Variants in CCDC149 observed in about 807,000 individuals in gnomAD.
CCDC149 encodes coiled-coil domain containing 149.
In CCDC149, 45 loss-of-function variants were observed where a neutral mutation model predicts 59.9. The ratio of observed to expected loss-of-function variants is 0.75; its 90% CI spans 0.59 to 0.96. The LOEUF is 0.96. Ranked by LOEUF, CCDC149 falls within the 40% of genes least tolerant of loss-of-function variation. The pLI, the probability that CCDC149 is intolerant of heterozygous loss-of-function variation, is 0.00. For missense variants in CCDC149, 584 were observed against 664.7 expected (o/e 0.88, Z 1.33); for synonymous variants, 245 against 260.6 (o/e 0.94, Z 0.58).
chr4:24,908,578 T>A (rs1268987544), intron 1 of CCDC149, among the ~76,000 whole-genome samples: 1 of 150,134 alleles, frequency 6.7e-6, no homozygotes, highest in East Asian at 1.9e-4. Flanking sequence ...CACGTGCCTG[T>A]AACTCCAGCT....
At chr4:24,931,247 T>C (rs1360970261) in intron 1 of CCDC149, among the ~76,000 whole-genome samples, 4 of 148,184 alleles carry the variant, frequency 2.7e-5, no homozygotes, top group Non-Finnish European at 5.9e-5. Flanking sequence ...TTGTATATAT[T>C]GTATAATATG....
chr4:24,879,550 T>C (rs996080518), intron 1 of CCDC149, among the ~76,000 whole-genome samples: 2 of 147,770 alleles, frequency 1.4e-5, no homozygotes, highest in African/African-American at 5.0e-5. Context: ...CTGGGCATGG[T>C]GGCAGGCGCC....
At chr4:24,961,679 T>C (rs2109361477) in intron 1 of CCDC149, among the ~76,000 whole-genome samples, 1 of 152,328 alleles carries the variant, frequency 6.6e-6, no homozygotes, top group South Asian at 2.1e-4. Context: ...ATCTGATCTT[T>C]GACAAACCTG....
At chr4:24,825,318 A>C (rs181271576) in intron 9 of CCDC149, among the ~76,000 whole-genome samples, 1 of 152,316 alleles carries the variant, frequency 6.6e-6, no homozygotes, top group East Asian at 1.9e-4. Flanking sequence ...CACTTGCTCT[A>C]TACTAGGCAT....
At chr4:24,870,612 G>C (rs963569627) in intron 3 of CCDC149, among the ~76,000 whole-genome samples, 2 of 152,162 alleles carry the variant, frequency 1.3e-5, no homozygotes, top group Non-Finnish European at 2.9e-5. Context: ...CTGTAAGAAT[G>C]CAGCTTAACA....
At chr4:24,864,641 ACT>A (rs1376129143) in intron 3 of CCDC149, among the ~76,000 whole-genome samples, 1 of 152,146 alleles carries the variant, frequency 6.6e-6, no homozygotes, top group Non-Finnish European at 1.5e-5. Context: ...CGTGAATTAA[ACT>A]CTTTCTCTAT....
At chr4:24,865,738 C>T (rs987253730) in intron 3 of CCDC149, among the ~76,000 whole-genome samples, 1 of 152,182 alleles carries the variant, frequency 6.6e-6, no homozygotes, top group African/African-American at 2.4e-5. Flanking sequence ...TCTGCATCTG[C>T]CACTTAGTGA....
At chr4:24,878,624 C>T (rs16876304) in intron 1 of CCDC149, among the ~76,000 whole-genome samples, 27,405 of 152,200 alleles carry the variant, frequency 0.18, 2,595 homozygotes, top group Admixed American at 0.26. Flanking sequence ...GTTGTCAGCA[C>T]TGTGAGTATC....
chr4:24,924,200 C>T (rs1013684862), intron 1 of CCDC149, among the ~76,000 whole-genome samples: 2 of 150,740 alleles, frequency 1.3e-5, no homozygotes, highest in Non-Finnish European at 2.9e-5. Flanking sequence ...CCCAAAAGAT[C>T]TTAAGCCATA....
At chr4:24,914,397 A>AG (rs1722059311), upstream of CCDC149, among the ~76,000 whole-genome samples, 1 of 151,892 alleles carries the variant, frequency 6.6e-6, no homozygotes, top group South Asian at 2.1e-4. Context: ...AAAAAAAAAA[A>AG]AAAAAAAGAA....
At chr4:24,848,794 A>T (rs756905939) in intron 4 of CCDC149, among the ~76,000 whole-genome samples, 4 of 152,218 alleles carry the variant, frequency 2.6e-5, no homozygotes, top group Non-Finnish European at 5.9e-5. Flanking sequence ...AGGAAAGAGA[A>T]ATCTGTGCTA....
chr4:24,874,452 G>A (rs1719282690), intron 2 of CCDC149, among the ~76,000 whole-genome samples: 1 of 151,658 alleles, frequency 6.6e-6, no homozygotes, highest in African/African-American at 2.4e-5. Flanking sequence ...TGTGGCGGCG[G>A]GTGCCTGTAA....
chr4:24,930,947 C>T (rs1255024601), intron 1 of CCDC149, among the ~76,000 whole-genome samples: 1 of 152,120 alleles, frequency 6.6e-6, no homozygotes, highest in Admixed American at 6.5e-5. Flanking sequence ...GGCTCTTGCT[C>T]TTCAAAGGAT....
rs1220580058 is a variant in CCDC149, at chr4:24,952,634, T to A, written c.-65+27435A>T. On this transcript the variant is annotated intron_variant, in intron 1 of 12. Coordinates refer to the CCDC149 transcript ENST00000389609. ...AAAAAAAAAAAAAAAAAAATATATA[T>A]ATATATATATATATATATATATATA... Among the ~76,000 whole-genome samples the A allele has an allele frequency of 1.1e-3, 15 of 13,724 alleles. 2 individuals are homozygous for A. The highest frequency in any genetic ancestry group is 1.4e-3 in the African/African-American group (6 of 4,340). The allele number at this position is 13,724 out of a possible 152,430, so 9.0% of individuals were successfully genotyped here.
At chr4:24,820,765 G>A (rs1249586289) in intron 11 of CCDC149, among the ~76,000 whole-genome samples, 3 of 151,994 alleles carry the variant, frequency 2.0e-5, no homozygotes, top group East Asian at 1.9e-4. Flanking sequence ...AACTGTATCA[G>A]ATCTGGGGAG....
At chr4:24,878,904 G>A (rs769634511) in intron 1 of CCDC149, among the ~76,000 whole-genome samples, 4 of 152,124 alleles carry the variant, frequency 2.6e-5, no homozygotes, top group African/African-American at 2.4e-5. Flanking sequence ...CACTCACAAG[G>A]CACGGTCCAA....
intron 1 of CCDC149, among the ~76,000 whole-genome samples, chr4:24,929,296 G>A (rs561387070): frequency 1.3e-5 from 2 of 152,234 alleles, no homozygotes; most frequent in African/African-American, 4.8e-5. Context: ...GGCTCTCAGC[G>A]GCTCATGAAT....
rs1338911336 is a variant in CCDC149 at position 24,808,361 on chromosome 4, G to A, written c.*28C>T. On this transcript the variant is annotated 3_prime_UTR_variant, in exon 13 of 13. Transcript: ENST00000635206. Reference sequence around the variant, plus strand: ...CTTGACCCTCTCTGGGGCTTTCAATGTGTCATTGTGTCAGATCCCTCTCCC... The same window carrying A: ...CTTGACCCTCTCTGGGGCTTTCAATATGTCATTGTGTCAGATCCCTCTCCC... The A allele has an allele frequency of 7.0e-7, 1 of 1,436,366 alleles. No individual in the cohort carries two copies. Among genetic ancestry groups the A allele is most frequent in the Non-Finnish European group, 9.2e-7 (1 of 1,092,068 alleles). The allele number at this position is 1,436,366 out of a possible 1,614,324, so 89.0% of individuals were successfully genotyped here.
Position 24,936,602 on chromosome 4 carries a change from A to G in CCDC149, c.-64-41484T>C, listed in dbSNP as rs538970922. ...CTCTTTCCGCTTTCTTGAAATATAT[A>G]GTACATTGTTATTTTCTATAGTTAC... On this transcript the variant is annotated intron_variant, in intron 1 of 12. Coordinates refer to the CCDC149 transcript ENST00000389609. 7.9e-5 allele frequency among the ~76,000 whole-genome samples: 12 copies of G among 152,330 alleles called. No homozygotes were observed. The East Asian group carries it at 2.3e-3, about 29-fold the overall frequency.
Sources: gnomAD v4.1 joint callset for allele counts (sites outside exome capture counted in the v4.1 genomes callset) on GRCh38, gnomAD v4.1.1 for gene constraint, MANE v1.5 for transcripts, NCBI Gene and HGNC (gene_info 2026-07-23, HGNC 2026-07-21) for gene names.